Variants in AHCY observed in about 807,000 individuals in gnomAD.
AHCY encodes the protein S-adenosyl-L-homocysteine hydrolase.
AHCY carries 24 observed loss-of-function variants against 45.4 expected under a neutral mutation model. The ratio of observed to expected loss-of-function variants is 0.53; its 90% CI spans 0.38 to 0.74. AHCY has a LOEUF of 0.74. Ranked by LOEUF, AHCY falls within the 30% of genes least tolerant of loss-of-function variation. AHCY has a pLI of 0.00. For synonymous variants in AHCY, 245 were observed against 235.1 expected (o/e 1.04, Z -0.39); for missense variants, 449 against 594.1 (o/e 0.76, Z 2.54).
At chr20:34,281,243 C>A in intron 9 of AHCY, 78 bp from the exon 10 acceptor site, 2 of 1,591,472 alleles carry the variant, frequency 1.3e-6, no homozygotes, top group Non-Finnish European at 1.7e-6. Flanking sequence ...CCAATAGAGG[C>A]AGAAGTGTTC....
chr20:34,236,081 AGAAG>A, the AHCY span, among the ~76,000 whole-genome samples: 15,917 of 143,428 alleles, frequency 0.11, 889 homozygotes, highest in South Asian at 0.19. Flanking sequence ...AAAGAGAAAG[AGAAG>A]GAAGGAAGGA....
chr20:34,283,394 A>G (rs1233153526), intron 9 of AHCY, among the ~76,000 whole-genome samples: 1 of 152,140 alleles, frequency 6.6e-6, no homozygotes, highest in East Asian at 1.9e-4. Flanking sequence ...ACTCAGAGTC[A>G]TTCGTGCAGT....
At chr20:34,249,786 C>T in the AHCY span, among the ~76,000 whole-genome samples, 1 of 152,200 alleles carries the variant, frequency 6.6e-6, no homozygotes, top group Non-Finnish European at 1.5e-5. Context: ...GAACATAAAG[C>T]AACTTGATTC....
In AHCY at chr20:34,299,651, A is replaced by G. The variant is rs183952003; in HGVS notation, c.28+3592T>C. Among the ~76,000 whole-genome samples the G allele has an allele frequency of 2.1e-3, 324 of 152,248 alleles. 6 individuals are homozygous for G. Among genetic ancestry groups the G allele is most frequent in the Admixed American group, 0.021 (322 of 15,288 alleles). ...CTGCCTCCACAGCACCTCCACTTGG[A>G]TGTCCAGTTGGATCTATTATGTGTC... is the stretch of plus-strand genomic sequence containing the variant. On this transcript the variant is annotated intron_variant, in intron 1 of 9. Coordinates refer to ENST00000217426, the MANE Select transcript of AHCY (RefSeq NM_000687.4).
intron 1 of AHCY, among the ~76,000 whole-genome samples, chr20:34,297,011 C>G (rs2036596595): frequency 6.6e-6 from 1 of 152,092 alleles, no homozygotes; most frequent in Non-Finnish European, 1.5e-5. Flanking sequence ...GATAGCTCTC[C>G]TTGGAAATCT....
chr20:34,269,410 C>G, the AHCY span: 1 of 500,366 alleles, frequency 2.0e-6, no homozygotes, highest in African/African-American at 2.0e-5. Context: ...CGGAGTCCCG[C>G]GCTGCTCTCC....
downstream of AHCY, among the ~76,000 whole-genome samples, chr20:34,276,843 C>T (rs1272566097): frequency 2.0e-5 from 3 of 152,122 alleles, no homozygotes; most frequent in Non-Finnish European, 4.4e-5. Flanking sequence ...GAAGCCCGCC[C>T]GGACCACTGC....
chr20:34,237,832 T>C, the AHCY span, among the ~76,000 whole-genome samples: 42,788 of 152,040 alleles, frequency 0.28, 6,626 homozygotes, highest in Admixed American at 0.36. Flanking sequence ...CTCCTATTCC[T>C]AGTTTGTGGA....
chr20:34,269,356 G>A, the AHCY span: 88 of 713,338 alleles, frequency 1.2e-4, no homozygotes, highest in Non-Finnish European at 1.6e-4. Flanking sequence ...GAAGGTGTGC[G>A]GCTGTTTCTG....
the AHCY span, among the ~76,000 whole-genome samples, chr20:34,258,696 C>CTA: frequency 0.02 from 238 of 11,642 alleles, 3 homozygotes; most frequent in Non-Finnish European, 0.046. Flanking sequence ...TATATACATA[C>CTA]TATATATATA....
the AHCY span, among the ~76,000 whole-genome samples, chr20:34,269,966 A>C: frequency 2.7e-5 from 4 of 147,362 alleles, no homozygotes; most frequent in Non-Finnish European, 3.0e-5. Flanking sequence ...AAAAAAAAAA[A>C]AAAAAAAAAA....
intron 8 of AHCY, among the ~76,000 whole-genome samples, chr20:34,287,983 C>G (rs966293880): frequency 6.6e-6 from 1 of 152,210 alleles, no homozygotes; most frequent in African/African-American, 2.4e-5. Flanking sequence ...GCAGGTTTCA[C>G]CTGTGATGCC....
At chr20:34,306,087 AAAAAAAAAAAAG>A (rs886182245), upstream of AHCY, among the ~76,000 whole-genome samples, 5 of 144,460 alleles carry the variant, frequency 3.5e-5, no homozygotes, top group East Asian at 3.8e-4. Context: ...CTCAAAAAAA[AAAAAAAAAAAAG>A]AAAAAAAAAG....
At chr20:34,263,239 G>A in the AHCY span, among the ~76,000 whole-genome samples, 1 of 152,178 alleles carries the variant, frequency 6.6e-6, no homozygotes, top group East Asian at 1.9e-4. Context: ...CCATATCTGA[G>A]TTCCACCTAT....
chr20:34,262,506 G>T, the AHCY span, among the ~76,000 whole-genome samples: 1 of 152,194 alleles, frequency 6.6e-6, no homozygotes, highest in Non-Finnish European at 1.5e-5. Flanking sequence ...GAAGGAAGGG[G>T]CACCTGGGGT....
rs1420740296 is a variant in AHCY at position 34,285,448 on chromosome 20, G to C, written c.1159C>G (p.Pro387Ala). 3.7e-6 allele frequency: 6 copies of C among 1,613,978 alleles called. No individual in the cohort carries two copies. Among genetic ancestry groups the C allele is most frequent in the Non-Finnish European group, 1.7e-6 (2 of 1,179,862 alleles). ...DKYPVGVHFL[P>A]KKLDEAVAEA... ...TAGAAGAATAAACCCACCTTCTTGGGCAGGAAATGAACCCCAACGGGGTAC... is the reference window on the plus strand; with the variant it reads ...TAGAAGAATAAACCCACCTTCTTGGCCAGGAAATGAACCCCAACGGGGTAC... Residue 387 changes from proline to alanine, a missense_variant, in exon 9 of 10, where the codon CCC becomes GCC. Coordinates refer to ENST00000217426, the MANE Select transcript of AHCY (RefSeq NM_000687.4).
chr20:34,301,687 G>A (rs2036777027), intron 1 of AHCY: 2 of 532,658 alleles, frequency 3.8e-6, no homozygotes, highest in Non-Finnish European at 4.8e-6. Flanking sequence ...CCCCAATCCT[G>A]ACCCACTAAT....
the AHCY span, among the ~76,000 whole-genome samples, chr20:34,253,272 A>AT: frequency 2.7e-5 from 4 of 150,400 alleles, no homozygotes; most frequent in African/African-American, 7.3e-5. Context: ...CGCCCGCCTA[A>AT]TTTTTTTGTA....
the AHCY span, among the ~76,000 whole-genome samples, chr20:34,270,877 C>T: frequency 6.6e-6 from 1 of 152,190 alleles, no homozygotes; most frequent in African/African-American, 2.4e-5. Flanking sequence ...AAGCTGGTCT[C>T]AAACTCCTGG....
Sources: allele counts gnomAD v4.1 joint callset (sites outside exome capture counted in the v4.1 genomes callset), GRCh38; gene constraint gnomAD v4.1.1; transcripts MANE v1.5; gene names NCBI Gene and HGNC (gene_info 2026-07-23, HGNC 2026-07-21).